The following COPB2 variants were observed in gnomAD, a reference collection of about 807,000 sequenced individuals.
The protein encoded by COPB2 is coat protein complex I subunit beta 2.
Under a neutral mutation model 120.8 loss-of-function variants are expected in COPB2, and 16 were observed. The observed-to-expected ratio is 0.13, with a 90% CI of 0.09 to 0.20. The LOEUF (loss-of-function observed/expected upper bound fraction) is 0.20. Among genes scored for constraint, COPB2 ranks in the 10% least tolerant of loss-of-function variants. COPB2 has a pLI of 1.00. For missense variants in COPB2, 794 were observed against 1,076.5 expected, an observed-to-expected ratio of 0.74 and a Z score of 3.67; for synonymous variants, 332 against 366.3, an observed-to-expected ratio of 0.91 and a Z score of 1.07.
intron 20 of COPB2, 112 bp downstream of exon 20, chr3:139,358,632 G>A: frequency 1.3e-6 from 1 of 744,932 alleles, no homozygotes; most frequent in Non-Finnish European, 2.3e-6. Flanking sequence ...AGTGAGCCTA[G>A]ATCGCGCCAC....
chr3:139,359,485 A>C, intron 17 of COPB2, 123 bp from the exon 18 acceptor site: 128 of 782,496 alleles, frequency 1.6e-4, no homozygotes, highest in Middle Eastern at 2.5e-4. Flanking sequence ...CATATATCTC[A>C]TTTCTGTCAC....
intron 2 of COPB2, chr3:139,379,713 C>T (rs1400449821): frequency 2.4e-6 from 1 of 409,004 alleles, no homozygotes; most frequent in Non-Finnish European, 4.4e-6. Flanking sequence ...TCCAGATCCT[C>T]TGTGCTCCAG....
chr3:139,359,454 A>G, intron 17 of COPB2, 92 bp from the exon 18 acceptor site: 1 of 1,143,532 alleles, frequency 8.7e-7, no homozygotes, highest in East Asian at 2.4e-5. Context: ...TACAAAGCCA[A>G]AAATCTCCCC....
At chr3:139,373,944 C>T (rs1176332002) in intron 7 of COPB2, 136 bp from the exon 8 acceptor site, 3 of 941,990 alleles carry the variant, frequency 3.2e-6, no homozygotes, top group Non-Finnish European at 1.5e-6. Flanking sequence ...AATTTTTTGA[C>T]CTACTGTCTT....
At chr3:139,366,818 A>G (rs1553776935) in intron 14 of COPB2, 43 bp from the exon 15 acceptor site, 2 of 1,591,150 alleles carry the variant, frequency 1.3e-6, no homozygotes, top group Non-Finnish European at 8.6e-7. Context: ...CAAATCTGCA[A>G]TTACACAAAC....
At position 139,376,814 on chromosome 3, in the gene COPB2, A is replaced by G. The variant is rs200197509; in HGVS notation, c.505-1200T>C. ...CCCCAAGTTGGAGCGCAGTGGCGCA[A>G]TCTCGGCTCACTGCAAGCTCTGCCT... is the stretch of plus-strand genomic sequence containing the variant. On this transcript the variant is annotated intron_variant, in intron 5 of 21. Transcript: ENST00000333188. Among the ~76,000 whole-genome samples the G allele has an allele frequency of 4.6e-5, 7 of 152,258 alleles. No individual in the cohort carries two copies. In the East Asian group the frequency reaches 1.3e-3, roughly 29 times the overall value.
chr3:139,375,388 C>T, intron 6 of COPB2, 80 bp downstream of exon 6: 3 of 1,417,910 alleles, frequency 2.1e-6, no homozygotes, highest in Non-Finnish European at 1.9e-6. Flanking sequence ...CAGTTTTCAA[C>T]AACCCAAGTC....
At chr3:139,360,547 CTTTTGTG>C (rs1414650620) in intron 17 of COPB2, among the ~76,000 whole-genome samples, 2 of 146,712 alleles carry the variant, frequency 1.4e-5, no homozygotes, top group Non-Finnish European at 3.0e-5. Flanking sequence ...GGAAAGAATA[CTTTTGTG>C]TTTTATTTCA....
chr3:139,383,224 T>C, intron 2 of COPB2, 74 bp downstream of exon 2: 1 of 1,534,768 alleles, frequency 6.5e-7, no homozygotes, highest in East Asian at 2.3e-5. Flanking sequence ...TCTGTTATAA[T>C]ATTTCTTCTC....
chr3:139,379,133 T>C lies in COPB2; in HGVS notation c.269A>G (p.Glu90Gly). Reference protein sequence around the residue: ...QIRVFNYNTLERVHMFEAHSD... With the variant: ...QIRVFNYNTLGRVHMFEAHSD... ...GTGTGCTTCAAACATATGAACTCTCTCCAGAGTATTGTAATTGAACACTCT... is the reference window on the plus strand; with the variant it reads ...GTGTGCTTCAAACATATGAACTCTCCCCAGAGTATTGTAATTGAACACTCT... The change falls in exon 4 of 22, where the codon GAG (glutamate) becomes GGG (glycine). Residue 90 changes from glutamate to glycine, a missense_variant. Glu to Gly is a moderately conservative substitution (Grantham distance 98). This residue lies in a region of COPB2 where 610 missense variants were observed against 866.7 expected (regional missense o/e 0.70). Coordinates refer to ENST00000333188, the MANE Select transcript of COPB2 (RefSeq NM_004766.3). 2 of 1,610,960 alleles carry C rather than the reference T, an allele frequency of 1.2e-6. No homozygotes were observed. Among genetic ancestry groups the C allele is most frequent in the Non-Finnish European group, 1.7e-6 (2 of 1,179,162 alleles).
rs1336463890 is a variant in COPB2 at position 139,389,631 on chromosome 3, C to A, written c.-81G>T. On this transcript the variant is annotated 5_prime_UTR_variant, in exon 1 of 22. Transcript: ENST00000333188. ...GAGATAAACCCACCGATCCACTGAC[C>A]GTCAGACTGACTGACGTGGAACTTC... 2.9e-6 allele frequency: 4 copies of A among 1,400,684 alleles called. No homozygotes were observed. The highest frequency in any genetic ancestry group is 1.4e-5 in the African/African-American group (1 of 68,974). The allele number at this position is 1,400,684 out of a possible 1,614,324, so 86.8% of individuals were successfully genotyped here.
At chr3:139,371,956 C>T (rs1416129951) in intron 9 of COPB2, 123 bp from the exon 10 acceptor site, 1 of 661,232 alleles carries the variant, frequency 1.5e-6, no homozygotes, top group Non-Finnish European at 2.5e-6. Context: ...TTCATTATTA[C>T]AATTTAACAT....
rs752865593 is a variant in COPB2 at position 139,367,080 on chromosome 3, T to C, written c.1611A>G (p.Thr537=). 6.2e-7 allele frequency: 1 copy of C among 1,613,848 alleles called. No homozygotes were observed. Among genetic ancestry groups the C allele is most frequent in the East Asian group, 2.2e-5 (1 of 44,876 alleles). ...GLWVGDCFIY[T]SSVNRLNYYV... is the part of the protein sequence containing the mutation. ...AATAATTTAATCTGTTCACAGAACT[T>C]GTGTAAATGAAGCAATCGCCTACCC... The change falls in exon 14 of 22, where the codon ACA becomes ACG. Residue 537 remains threonine, a synonymous_variant. Transcript: ENST00000333188.
chr3:139,383,220 A>G, intron 2 of COPB2, 78 bp downstream of exon 2: 1 of 1,517,522 alleles, frequency 6.6e-7, no homozygotes, highest in Non-Finnish European at 9.1e-7. Flanking sequence ...GGATTCTGTT[A>G]TAATATTTCT....
At chr3:139,373,187 G>A (rs971311886) in intron 9 of COPB2, 26 bp downstream of exon 9, 2 of 1,610,364 alleles carry the variant, frequency 1.2e-6, no homozygotes, top group Non-Finnish European at 1.7e-6. Context: ...CACAGAAGCT[G>A]AGGGACAATT....
At chr3:139,372,654 A>G (rs978871134) in intron 9 of COPB2, among the ~76,000 whole-genome samples, 4 of 152,232 alleles carry the variant, frequency 2.6e-5, no homozygotes, top group Non-Finnish European at 5.9e-5. Context: ...CTGCTGTAAA[A>G]TAATTTTAAA....
chr3:139,361,441 A>T lies in COPB2; in HGVS notation c.1996-146T>A. 5 of 705,946 alleles carry T rather than the reference A, an allele frequency of 7.1e-6. No homozygotes were observed. In the South Asian group the frequency reaches 1.0e-4, roughly 14 times the overall value. 43.7% of individuals were successfully genotyped at this position (705,946 alleles called of 1,614,324 possible). Reference sequence around the variant, plus strand: ...CTATCAAAATAAGAATGGCATTGCAAAATGTACAGTGAGGAAATGGAAATT... The same window carrying T: ...CTATCAAAATAAGAATGGCATTGCATAATGTACAGTGAGGAAATGGAAATT... On this transcript the variant is annotated intron_variant, in intron 16 of 21. Coordinates refer to ENST00000333188, the MANE Select transcript of COPB2 (RefSeq NM_004766.3).
intron 20 of COPB2, chr3:139,358,535 C>T (rs937628178): frequency 2.5e-5 from 15 of 601,028 alleles, no homozygotes; most frequent in South Asian, 4.1e-5. Flanking sequence ...AAAAATTAGC[C>T]GGACCGGTGA....
In COPB2 at chr3:139,373,656, G is replaced by A; in HGVS notation, c.894+10C>T. 1 of 1,614,044 alleles carries A rather than the reference G, an allele frequency of 6.2e-7. No individual in the cohort carries two copies. Among genetic ancestry groups the A allele is most frequent in the Non-Finnish European group, 8.5e-7 (1 of 1,179,994 alleles). On this transcript the variant is annotated intron_variant, in intron 8 of 21. Transcript: ENST00000333188. ...CTATGTCCACCTACTGAGAGGGATA[G>A]TATAATTACCTTAACAATGATGCTC...
Sources: gnomAD v4.1 joint callset for allele counts (sites outside exome capture counted in the v4.1 genomes callset) on GRCh38, gnomAD v4.1.1 for gene constraint, gnomAD v4.1.1 regional missense constraint, MANE v1.5 for transcripts, NCBI Gene and HGNC (gene_info 2026-07-23, HGNC 2026-07-21) for gene names.